Variants in FMN1 observed in about 807,000 individuals in gnomAD.
FMN1 encodes the protein formin 1, also known as formin-1.
In FMN1, 110 loss-of-function variants were observed where a neutral mutation model predicts 132.4. The observed-to-expected ratio is 0.83, with a 90% CI of 0.71 to 0.97. The LOEUF (loss-of-function observed/expected upper bound fraction) is 0.97. FMN1 is among the 50% of genes least tolerant of loss of function. The probability of loss-of-function intolerance (pLI) is 0.00; values close to 1 mark genes in which losing one functional copy is unlikely to be tolerated. For missense variants in FMN1, 1,792 were observed against 1,705.3 expected, an observed-to-expected ratio of 1.05 and a Z score of -0.90; for synonymous variants, 722 against 651.7, an observed-to-expected ratio of 1.11 and a Z score of -1.64.
intron 4 of FMN1, among the ~76,000 whole-genome samples, chr15:33,112,482 CA>C (rs1265267782): frequency 6.6e-6 from 1 of 152,108 alleles, no homozygotes; most frequent in African/African-American, 2.4e-5. Context: ...CACAACTATG[CA>C]ATGAAATTAA....
At chr15:33,191,370 G>A (rs189780596) in intron 2 of FMN1, among the ~76,000 whole-genome samples, 15 of 152,272 alleles carry the variant, frequency 9.9e-5, no homozygotes, top group Non-Finnish European at 1.8e-4. Flanking sequence ...GGAAATAGGA[G>A]GTGTGTTGGT....
intron 4 of FMN1, chr15:33,151,476 C>G (rs896520911): frequency 1.6e-6 from 2 of 1,219,678 alleles, no homozygotes; most frequent in African/African-American, 3.0e-5. Context: ...GGCTCACGGT[C>G]AGTCTCCAAC....
intron 16 of FMN1, among the ~76,000 whole-genome samples, chr15:32,874,934 T>G (rs2059603992): frequency 1.3e-5 from 2 of 152,154 alleles, no homozygotes; most frequent in South Asian, 4.1e-4. Flanking sequence ...AAATTAGCAC[T>G]GTTAGTACAT....
chr15:33,007,925 T>C (rs2034503039), intron 7 of FMN1, 89 bp downstream of exon 7: 4 of 1,157,142 alleles, frequency 3.5e-6, no homozygotes, highest in Non-Finnish European at 5.0e-6. Context: ...AGTTTAACAC[T>C]TCAACTTAAG....
At chr15:33,020,565 T>C (rs2035362589) in intron 6 of FMN1, among the ~76,000 whole-genome samples, 1 of 150,966 alleles carries the variant, frequency 6.6e-6, no homozygotes. Flanking sequence ...GAGAACTGCT[T>C]GAACCCAGGA....
chr15:33,116,725 G>C (rs936047976), intron 4 of FMN1, among the ~76,000 whole-genome samples: 1 of 151,378 alleles, frequency 6.6e-6, no homozygotes, highest in African/African-American at 2.4e-5. Flanking sequence ...ATGATTATAA[G>C]ATGCGAAAAC....
rs1478238301 is a variant in FMN1, at chr15:32,988,914, AATC to A, written c.2223+19097_2223+19099del. 4.6e-5 allele frequency among the ~76,000 whole-genome samples: 7 copies of A among 152,352 alleles called. No individual in the cohort carries two copies. The East Asian group carries it at 9.6e-4, about 21-fold the overall frequency. On this transcript the variant is annotated intron_variant, in intron 7 of 20. Coordinates refer to ENST00000616417, the MANE Select transcript of FMN1 (RefSeq NM_001277313.2). ...TGTTGCTTCCACTTAAGCTAACGCA[AATC>A]ATCATGCAAATGTTGTCTAAACGCA... is the stretch of plus-strand genomic sequence containing the variant.
In FMN1 at chr15:33,154,997, T is replaced by C; in HGVS notation, c.-83A>G. ...GCTCCAGTGGTGAGGCATGTGATGG[T>C]GGCTATGCAGAGAAAGCAGCTGACA... On this transcript the variant is annotated 5_prime_UTR_variant, in exon 4 of 21. Transcript: ENST00000616417. 8.8e-7 allele frequency: 1 copy of C among 1,141,080 alleles called. No homozygotes were observed. The highest frequency in any genetic ancestry group is 1.6e-5 in the South Asian group (1 of 61,738). 70.7% of individuals were successfully genotyped at this position (1,141,080 alleles called of 1,614,324 possible).
At chr15:33,012,644 G>A in intron 6 of FMN1, 2 of 905,146 alleles carry the variant, frequency 2.2e-6, no homozygotes, top group Non-Finnish European at 3.6e-6. Context: ...AACTGTGAAG[G>A]TAGGAAAGCC....
At chr15:33,071,984 A>G (rs971038282) in intron 5 of FMN1, among the ~76,000 whole-genome samples, 17 of 152,124 alleles carry the variant, frequency 1.1e-4, no homozygotes, top group African/African-American at 4.1e-4. Flanking sequence ...ATCCTTTACA[A>G]CCTACCTCAA....
At chr15:32,896,453 T>C (rs1227159824) in intron 15 of FMN1, among the ~76,000 whole-genome samples, 1 of 152,166 alleles carries the variant, frequency 6.6e-6, no homozygotes, top group African/African-American at 2.4e-5. Context: ...CCCTATAACA[T>C]GATATCTGTT....
At chr15:33,151,002 G>T in intron 4 of FMN1, 1 of 1,125,496 alleles carries the variant, frequency 8.9e-7, no homozygotes, top group Non-Finnish European at 1.1e-6. Context: ...GTAGCTGGAA[G>T]CAGGAAACTT....
intron 17 of FMN1, among the ~76,000 whole-genome samples, chr15:32,816,028 G>C (rs887077880): frequency 5.9e-5 from 9 of 152,142 alleles, no homozygotes; most frequent in African/African-American, 1.9e-4. Context: ...TAAGGTGCTC[G>C]GCCATGGCAC....
chr15:33,059,142 A>C (rs2037367464), intron 6 of FMN1, among the ~76,000 whole-genome samples: 1 of 152,028 alleles, frequency 6.6e-6, no homozygotes. Context: ...AGCATGCAAC[A>C]TTTGTCTTTC....
intron 2 of FMN1, among the ~76,000 whole-genome samples, chr15:33,191,917 G>C (rs1278834789): frequency 1.3e-5 from 2 of 152,134 alleles, no homozygotes; most frequent in Non-Finnish European, 2.9e-5. Context: ...ACACAGGCTG[G>C]GACCTGTTGA....
chr15:33,170,993 G>A lies in FMN1; in HGVS notation c.-132+9205C>T, dbSNP rs534575756. 2.6e-5 allele frequency among the ~76,000 whole-genome samples: 4 copies of A among 152,242 alleles called. No homozygotes were observed. In the South Asian group the frequency reaches 8.3e-4, roughly 32 times the overall value. ...ATGGAATCAACCTGTGTGTATAAAC[G>A]GATGAGTGGATAAAGAAAATGTGGT... On this transcript the variant is annotated intron_variant, in intron 3 of 20. Coordinates refer to ENST00000616417, the MANE Select transcript of FMN1 (RefSeq NM_001277313.2).
At chr15:32,845,861 G>A (rs1478317278) in intron 17 of FMN1, among the ~76,000 whole-genome samples, 1 of 151,816 alleles carries the variant, frequency 6.6e-6, no homozygotes, top group Non-Finnish European at 1.5e-5. Context: ...ATTTATTAAA[G>A]CTTTATAGTT....
intron 4 of FMN1, among the ~76,000 whole-genome samples, chr15:33,146,676 C>A (rs1476702953): frequency 6.6e-6 from 1 of 152,080 alleles, no homozygotes; most frequent in Admixed American, 6.5e-5. Context: ...AATATCACAG[C>A]CCAGGGGCCA....
chr15:32,939,088 T>C (rs975639988), intron 9 of FMN1, among the ~76,000 whole-genome samples: 1 of 152,208 alleles, frequency 6.6e-6, no homozygotes, highest in Admixed American at 6.5e-5. Flanking sequence ...AAATGGACAG[T>C]TGTGCACTGG....
Sources: gnomAD v4.1 joint callset for allele counts (sites outside exome capture counted in the v4.1 genomes callset) on GRCh38, gnomAD v4.1.1 for gene constraint, MANE v1.5 for transcripts, NCBI Gene and HGNC (gene_info 2026-07-23, HGNC 2026-07-21) for gene names.